The following CIMIP6 variants were observed in gnomAD, a reference collection of about 807,000 sequenced individuals.
CIMIP6 encodes the protein uncharacterized protein C2orf73.
At chr2:54,336,929 G>T in the CIMIP6 span, among the ~76,000 whole-genome samples, 1 of 152,208 alleles carries the variant, frequency 6.6e-6, no homozygotes, top group Non-Finnish European at 1.5e-5. Flanking sequence ...GCACAGTGAT[G>T]GGGACTTATT....
the CIMIP6 span, among the ~76,000 whole-genome samples, chr2:54,337,898 G>T: frequency 5.3e-5 from 8 of 152,146 alleles, no homozygotes; most frequent in Non-Finnish European, 1.2e-4. Context: ...TCTGATTTGG[G>T]TGTGGCAGGA....
the CIMIP6 span, among the ~76,000 whole-genome samples, chr2:54,384,003 C>T: frequency 1.3e-5 from 2 of 152,184 alleles, no homozygotes; most frequent in African/African-American, 4.8e-5. Flanking sequence ...TCTTGGACTT[C>T]TCAGCTTCTA....
chr2:54,374,724 G>A, the CIMIP6 span, among the ~76,000 whole-genome samples: 2 of 152,172 alleles, frequency 1.3e-5, no homozygotes, highest in Non-Finnish European at 1.5e-5. Context: ...TCTCTTTTGT[G>A]TCTTTTTTCT....
At chr2:54,364,805 C>T in the CIMIP6 span, among the ~76,000 whole-genome samples, 21 of 152,318 alleles carry the variant, frequency 1.4e-4, no homozygotes, top group African/African-American at 4.6e-4. Context: ...TAACGGACTA[C>T]GTTGATGTTG....
At chr2:54,340,768 T>A in the CIMIP6 span, among the ~76,000 whole-genome samples, 51 of 152,302 alleles carry the variant, frequency 3.3e-4, no homozygotes, top group African/African-American at 1.2e-3. Flanking sequence ...GATGAAATTA[T>A]CTCTCTGCTC....
At chr2:54,373,211 C>G in the CIMIP6 span, among the ~76,000 whole-genome samples, 82 of 152,214 alleles carry the variant, frequency 5.4e-4, no homozygotes, top group Middle Eastern at 3.4e-3. Flanking sequence ...CCTTCACAGT[C>G]GGGCAGCCCC....
the CIMIP6 span, among the ~76,000 whole-genome samples, chr2:54,362,559 G>T: frequency 6.6e-6 from 1 of 152,002 alleles, no homozygotes; most frequent in Non-Finnish European, 1.5e-5. Flanking sequence ...TGTATGTGTG[G>T]TTTTTTGTTT....
At chr2:54,361,094 CA>C in the CIMIP6 span, 1 of 152,148 alleles carries the variant, frequency 6.6e-6, no homozygotes, top group African/African-American at 2.4e-5. Flanking sequence ...ATTCAATTTT[CA>C]ATTTAAGGAT....
At chr2:54,337,741 A>G in the CIMIP6 span, among the ~76,000 whole-genome samples, 1 of 152,250 alleles carries the variant, frequency 6.6e-6, no homozygotes, top group Non-Finnish European at 1.5e-5. Context: ...GAATAGTAGT[A>G]GAATCATTAT....
At chr2:54,382,660 T>G in the CIMIP6 span, among the ~76,000 whole-genome samples, 4 of 152,214 alleles carry the variant, frequency 2.6e-5, no homozygotes, top group Admixed American at 6.5e-5. Flanking sequence ...CACATGCTAA[T>G]AAACACAGAT....
the CIMIP6 span, chr2:54,330,922 C>T: frequency 6.3e-7 from 1 of 1,577,040 alleles, no homozygotes; most frequent in Non-Finnish European, 8.7e-7. Flanking sequence ...CCTGGCAGGG[C>T]TGCGTCCCTG....
At chr2:54,331,513 C>G in the CIMIP6 span, among the ~76,000 whole-genome samples, 1 of 152,056 alleles carries the variant, frequency 6.6e-6, no homozygotes, top group Non-Finnish European at 1.5e-5. Flanking sequence ...CAAGGCACCT[C>G]CAATGGCCTA....
At chr2:54,373,340 AC>A in the CIMIP6 span, among the ~76,000 whole-genome samples, 81,217 of 150,808 alleles carry the variant, frequency 0.54, 22,023 homozygotes, top group Admixed American at 0.6. Context: ...AGGCCTTCAC[AC>A]CCCCCATGGC....
the CIMIP6 span, among the ~76,000 whole-genome samples, chr2:54,381,420 A>T: frequency 6.6e-6 from 1 of 152,240 alleles, no homozygotes; most frequent in Non-Finnish European, 1.5e-5. Context: ...CTTACTTTGT[A>T]CATTGCCCTA....
the CIMIP6 span, among the ~76,000 whole-genome samples, chr2:54,332,892 A>C: frequency 6.6e-6 from 1 of 152,214 alleles, no homozygotes; most frequent in African/African-American, 2.4e-5. Context: ...AAGGTTTAGA[A>C]GTTTTTTACA....
the CIMIP6 span, among the ~76,000 whole-genome samples, chr2:54,359,643 G>T: frequency 6.6e-6 from 1 of 151,500 alleles, no homozygotes. Context: ...TATCAAAGCA[G>T]TTTGACAAAT....
the CIMIP6 span, among the ~76,000 whole-genome samples, chr2:54,349,919 G>A: frequency 1.3e-5 from 2 of 150,800 alleles, no homozygotes; most frequent in African/African-American, 2.5e-5. Context: ...GCGTGATCTC[G>A]GCTCACTGCA....
chr2:54,351,244 GT>G, the CIMIP6 span, among the ~76,000 whole-genome samples: 1 of 152,098 alleles, frequency 6.6e-6, no homozygotes, highest in African/African-American at 2.4e-5. Context: ...ATTATGTTCT[GT>G]TTTCCAGAAC....
chr2:54,348,065 G>A, the CIMIP6 span, among the ~76,000 whole-genome samples: 3 of 152,148 alleles, frequency 2.0e-5, no homozygotes, highest in Admixed American at 6.5e-5. Flanking sequence ...AAGAATGGGG[G>A]AAATGCACAT....
Sources: gnomAD v4.1 joint callset for allele counts (sites outside exome capture counted in the v4.1 genomes callset) on GRCh38, gnomAD v4.1.1 for gene constraint, MANE v1.5 for transcripts, NCBI Gene and HGNC (gene_info 2026-07-23, HGNC 2026-07-21) for gene names.